ACIN1: variants seen among roughly 807,000 people sequenced by gnomAD.
The protein encoded by ACIN1 is apoptotic chromatin condensation inducer 1.
ACIN1 carries 16 observed loss-of-function variants against 146.6 expected under a neutral mutation model. The ratio of observed to expected loss-of-function variants is 0.11; its 90% CI spans 0.07 to 0.17. ACIN1 has a LOEUF of 0.17. ACIN1 is among the 10% of genes least tolerant of loss of function. The pLI is 1.00. For missense variants in ACIN1, 1,357 were observed against 1,609.3 expected (o/e 0.84, Z 2.68); for synonymous variants, 569 against 582.7 (o/e 0.98, Z 0.34).
Position 23,068,602 on chromosome 14 carries a change from A to G in ACIN1, c.2265+874T>C. ...AGTAGCAGCGGGTGGGTCCAGAGGA[A>G]GAGGCGGCATCAGCGATTGGCCAGT... On this transcript the variant is annotated intron_variant, in intron 9 of 18. Transcript: ENST00000605057. The surrounding 1 kb of genome is among the most constrained non-coding windows in gnomAD (Gnocchi z 4.3). 1 of 985,974 alleles carries G rather than the reference A, an allele frequency of 1.0e-6. No homozygotes were observed. The highest frequency in any genetic ancestry group is 1.2e-6 in the Non-Finnish European group (1 of 830,002). The allele number at this position is 985,974 out of a possible 1,614,324, so 61.1% of individuals were successfully genotyped here.
In ACIN1 at chr14:23,081,113, TA is replaced by T. The variant is rs149253931; in HGVS notation, c.526-305del. Among the ~76,000 whole-genome samples, 461 of 152,046 alleles carry T rather than the reference TA, an allele frequency of 3.0e-3. 1 individual carries two copies. The highest frequency in any genetic ancestry group is 4.7e-3 in the Non-Finnish European group (317 of 67,990). On this transcript the variant is annotated intron_variant, in intron 5 of 18. Coordinates refer to ENST00000605057, the MANE Select transcript of ACIN1 (RefSeq NM_001386863.1). ...AACATCTGGAAAGTAAAAGGGTGGA[TA>T]GGGGGCTGAAAGGAACTAACCTACT... is the stretch of plus-strand genomic sequence containing the variant.
intron 5 of ACIN1, among the ~76,000 whole-genome samples, chr14:23,081,167 A>C (rs879720404): frequency 3.3e-5 from 5 of 151,706 alleles, no homozygotes; most frequent in Non-Finnish European, 7.4e-5. Flanking sequence ...TCTTTTTATC[A>C]TTTTGGTATA....
intron 8 of ACIN1, 38 bp downstream of exon 8, chr14:23,078,113 A>G: frequency 6.3e-7 from 1 of 1,593,032 alleles, no homozygotes; most frequent in Non-Finnish European, 8.6e-7. Context: ...GCACACTCAT[A>G]GTTCCCTGTT....
chr14:23,061,718 A>G (rs1049202642), intron 16 of ACIN1, 96 bp from the exon 17 acceptor site: 4 of 1,157,850 alleles, frequency 3.5e-6, no homozygotes, highest in Non-Finnish European at 4.7e-6. Flanking sequence ...TCACGCCTGT[A>G]ATCCCAGCAC....
chr14:23,060,867 A>G (rs1376785957), intron 18 of ACIN1, among the ~76,000 whole-genome samples: 1 of 151,970 alleles, frequency 6.6e-6, no homozygotes. Flanking sequence ...ACATCCACAA[A>G]CTTCAGCTGC....
chr14:23,086,102 C>G (rs1192945589), intron 4 of ACIN1, among the ~76,000 whole-genome samples: 1 of 152,126 alleles, frequency 6.6e-6, no homozygotes, highest in Non-Finnish European at 1.5e-5. Context: ...AAAAGGTAAC[C>G]TTAGGTGTGA....
At chr14:23,071,906 T>A (rs2047668834) in intron 8 of ACIN1, among the ~76,000 whole-genome samples, 1 of 152,146 alleles carries the variant, frequency 6.6e-6, no homozygotes, top group South Asian at 2.1e-4. Flanking sequence ...AAGGATTAAA[T>A]AAGAACGATA....
rs151153498 is a variant in ACIN1, at chr14:23,080,235, G to A, written c.1100C>T (p.Ser367Phe). The A allele has an allele frequency of 2.6e-4, 424 of 1,614,088 alleles. No homozygotes were observed. The highest frequency in any genetic ancestry group is 2.8e-4 in the Non-Finnish European group (335 of 1,180,040). The change falls in exon 6 of 19, where the codon TCT (serine) becomes TTT (phenylalanine). Residue 367 changes from serine (S) to phenylalanine (F), a missense_variant. By Grantham distance (155) the Ser-to-Phe change is radical. Transcript: ENST00000605057. ...ATGGAGCTGTGGATGAGGTGGTGGA[G>A]AAGATGCTTCCTTTGTTAGTAAAGG... ...PPPLLTKEASSPPPHPQLHSE... is the reference protein window; with the variant it reads ...PPPLLTKEASFPPPHPQLHSE...
In ACIN1 at chr14:23,088,532, G is replaced by A. The variant is rs577227853; in HGVS notation, c.436+1450C>T. Among the ~76,000 whole-genome samples the A allele has an allele frequency of 1.3e-4, 20 of 152,126 alleles. 1 individual carries two copies. Among genetic ancestry groups the A allele is most frequent in the African/African-American group, 4.6e-4 (19 of 41,482 alleles). On this transcript the variant is annotated intron_variant, in intron 4 of 18. Transcript: ENST00000605057. The stretch of plus-strand genomic sequence containing the variant: ...AATCTATTTCCATGAAGAGTCTATC[G>A]CTGCTCAGCCTTTTAACTAAAATCA...
intron 10 of ACIN1, 148 bp from the exon 11 acceptor site, chr14:23,064,636 C>T: frequency 8.7e-7 from 1 of 1,151,244 alleles, no homozygotes. Flanking sequence ...TGGTGGCTCA[C>T]ACCTGTAATC....
intron 16 of ACIN1, 53 bp downstream of exon 16, chr14:23,062,115 C>T (rs2047310491): frequency 1.4e-6 from 2 of 1,428,534 alleles, no homozygotes; most frequent in Non-Finnish European, 2.0e-6. Context: ...TGAAATCTAG[C>T]AGATAATGGC....
chr14:23,063,621 A>C lies in ACIN1; in HGVS notation c.2596-44T>G, dbSNP rs756990607. On this transcript the variant is annotated intron_variant, in intron 12 of 18. Coordinates refer to ENST00000605057, the MANE Select transcript of ACIN1 (RefSeq NM_001386863.1). The stretch of plus-strand genomic sequence containing the variant: ...ACACAGCAGGTCTGTTAAACACCAA[A>C]CTGGCATATTCTTTTCAGCCTCTGG... The C allele has an allele frequency of 1.9e-6, 3 of 1,611,586 alleles. No individual in the cohort carries two copies. The South Asian group carries it at 3.3e-5, about 18-fold the overall frequency.
chr14:23,093,549 T>C lies in ACIN1; in HGVS notation c.139-5A>G. 6.2e-7 allele frequency: 1 copy of C among 1,613,476 alleles called. No homozygotes were observed. The highest frequency in any genetic ancestry group is 8.5e-7 in the Non-Finnish European group (1 of 1,179,508). On this transcript the variant is annotated splice_region_variant and splice_polypyrimidine_tract_variant and intron_variant, in intron 1 of 18. Transcript: ENST00000605057. Reference sequence around the variant, plus strand: ...TAAATTTTCTAGCATTAGAGCCTGGTATAGAGAAGGGTAAAAGTCAGAAAT... The same window carrying C: ...TAAATTTTCTAGCATTAGAGCCTGGCATAGAGAAGGGTAAAAGTCAGAAAT...
chr14:23,078,999 A>G lies in ACIN1; in HGVS notation c.1828T>C (p.Tyr610His). The G allele has an allele frequency of 6.2e-7, 1 of 1,614,210 alleles. No individual in the cohort carries two copies. The highest frequency in any genetic ancestry group is 1.1e-5 in the South Asian group (1 of 91,078). Residue 610 changes from tyrosine (Y) to histidine (H), a missense_variant, in exon 7 of 19, where the codon TAT (tyrosine) becomes CAT (histidine). By Grantham distance (83) the Tyr-to-His change is moderately conservative. Coordinates refer to ENST00000605057, the MANE Select transcript of ACIN1 (RefSeq NM_001386863.1). ...PGVSRDSSTSYTETKDPSSGQ... is the reference protein window; with the variant it reads ...PGVSRDSSTSHTETKDPSSGQ... ...GAAGAGGGATCTTTGGTTTCAGTATAGCTGGTGCTGCTGTCCCTGGAGACT... is the reference window on the plus strand; with the variant it reads ...GAAGAGGGATCTTTGGTTTCAGTATGGCTGGTGCTGCTGTCCCTGGAGACT...
chr14:23,085,964 G>T (rs1303141027), intron 4 of ACIN1, among the ~76,000 whole-genome samples: 1 of 152,240 alleles, frequency 6.6e-6, no homozygotes, highest in African/African-American at 2.4e-5. Context: ...GACAATGCAG[G>T]ATATATTAAA....
At chr14:23,071,072 A>G in intron 8 of ACIN1, 12 of 1,514,754 alleles carry the variant, frequency 7.9e-6, no homozygotes, top group Non-Finnish European at 9.8e-6. Flanking sequence ...AAGGAAGACG[A>G]AGGGAGCTAG....
chr14:23,094,817 G>A (rs1419745560), intron 1 of ACIN1, 158 bp downstream of exon 1: 2 of 1,131,148 alleles, frequency 1.8e-6, no homozygotes, highest in Non-Finnish European at 2.5e-6. Flanking sequence ...CCATTCCAGC[G>A]CGAACCTCAT....
chr14:23,077,095 C>A (rs2047821874), intron 8 of ACIN1, among the ~76,000 whole-genome samples: 1 of 152,122 alleles, frequency 6.6e-6, no homozygotes, highest in African/African-American at 2.4e-5. Context: ...GGTATACCCC[C>A]AGGTAAAAGC....
chr14:23,089,143 C>T (rs1349913649), intron 4 of ACIN1, among the ~76,000 whole-genome samples: 3 of 152,162 alleles, frequency 2.0e-5, no homozygotes, highest in South Asian at 2.1e-4. Flanking sequence ...CGGGTTCAAG[C>T]GATTCTCCTG....
Sources: gnomAD v4.1 joint callset for allele counts (sites outside exome capture counted in the v4.1 genomes callset) on GRCh38, gnomAD v4.1.1 for gene constraint, Gnocchi (gnomAD v3.1) non-coding constraint, MANE v1.5 for transcripts, NCBI Gene and HGNC (gene_info 2026-07-23, HGNC 2026-07-21) for gene names.